Variants in TMEM97 observed in about 807,000 individuals in gnomAD.
The protein encoded by TMEM97 is sigma intracellular receptor 2.
In TMEM97, 13 loss-of-function variants were observed where a neutral mutation model predicts 18.3. That is an observed-to-expected ratio of 0.71 (90% CI 0.46 to 1.13). The LOEUF is 1.13. Ranked by LOEUF, TMEM97 falls within the 50% of genes most tolerant of loss-of-function variation. TMEM97 has a pLI of 0.00. For missense variants in TMEM97, 205 were observed against 210.5 expected, an observed-to-expected ratio of 0.97 and a Z score of 0.16; for synonymous variants, 76 against 85.3, an observed-to-expected ratio of 0.89 and a Z score of 0.60.
chr17:28,328,389 A>T lies in TMEM97; in HGVS notation c.*1596A>T, dbSNP rs1443407777. 5 of 357,632 alleles carry T rather than the reference A, an allele frequency of 1.4e-5. No individual in the cohort carries two copies. The highest frequency in any genetic ancestry group is 2.5e-5 in the Non-Finnish European group (5 of 199,280). The allele number at this position is 357,632 out of a possible 1,614,324, so 22.2% of individuals were successfully genotyped here. On this transcript the variant is annotated 3_prime_UTR_variant, in exon 3 of 3. Coordinates refer to ENST00000226230, the MANE Select transcript of TMEM97 (RefSeq NM_014573.3). Reference sequence around the variant, plus strand: ...GCTTTGTGAATTTACAAAAAAAAGGATGAAAGTTTACAAACTGCTTAGTTC... The same window carrying T: ...GCTTTGTGAATTTACAAAAAAAAGGTTGAAAGTTTACAAACTGCTTAGTTC...
chr17:28,327,648 AAG>A lies in TMEM97; in HGVS notation c.*859_*860del, dbSNP rs1268839436. 3 of 152,244 alleles carry A rather than the reference AAG, an allele frequency of 2.0e-5. No individual in the cohort carries two copies. The highest frequency in any genetic ancestry group is 4.4e-5 in the Non-Finnish European group (3 of 68,040). The allele number at this position is 152,244 out of a possible 1,614,324, so 9.4% of individuals were successfully genotyped here. ...GTTCCCACCTCTAACCCAAGGAAAA[AAG>A]AGAAAACATACTATGCAAAGGAAGT... On this transcript the variant is annotated 3_prime_UTR_variant, in exon 3 of 3. Coordinates refer to ENST00000226230, the MANE Select transcript of TMEM97 (RefSeq NM_014573.3).
chr17:28,325,741 C>A, intron 2 of TMEM97, 94 bp downstream of exon 2: 1 of 1,539,172 alleles, frequency 6.5e-7, no homozygotes, highest in South Asian at 1.2e-5. Flanking sequence ...GGATGGTCCC[C>A]ATAGTTTGTG....
intron 1 of TMEM97, among the ~76,000 whole-genome samples, chr17:28,323,898 T>C (rs1363635049): frequency 3.9e-5 from 6 of 152,194 alleles, no homozygotes; most frequent in Non-Finnish European, 8.8e-5. Flanking sequence ...CTGGGGAAGC[T>C]GAGGTGACAG....
chr17:28,326,397 T>TC (rs1906336458), intron 2 of TMEM97, 137 bp from the exon 3 acceptor site: 7 of 1,039,308 alleles, frequency 6.7e-6, no homozygotes, highest in Non-Finnish European at 8.4e-6. Context: ...GTGTGGCACA[T>TC]CCAGGTTTCC....
intron 1 of TMEM97, among the ~76,000 whole-genome samples, chr17:28,322,911 G>A (rs967486324): frequency 6.6e-6 from 1 of 152,166 alleles, no homozygotes; most frequent in Non-Finnish European, 1.5e-5. Flanking sequence ...CGTGAGCTGC[G>A]ATTTTAATGG....
chr17:28,320,266 A>G (rs1197508547), intron 1 of TMEM97, among the ~76,000 whole-genome samples: 2 of 152,056 alleles, frequency 1.3e-5, no homozygotes, highest in African/African-American at 4.8e-5. Flanking sequence ...AGGGTCATGA[A>G]CTCCCAAAAA....
intron 1 of TMEM97, among the ~76,000 whole-genome samples, chr17:28,321,093 A>G (rs1458298802): frequency 4.6e-5 from 7 of 152,226 alleles, no homozygotes; most frequent in Non-Finnish European, 1.0e-4. Context: ...ACTCTTCCCA[A>G]AGACCGAAGA....
In TMEM97 at chr17:28,326,671, T is replaced by C. The variant is rs148375437; in HGVS notation, c.409T>C (p.Leu137=). The change falls in exon 3 of 3, where the codon TTG becomes CTG. Residue 137 remains leucine (L), a synonymous_variant. Transcript: ENST00000226230. Reference sequence around the variant, plus strand: ...TTTCAAGGGACAAAGACCTGAGACTTTGCATGAACGGTTAACCCTTGTGTC... The same window carrying C: ...TTTCAAGGGACAAAGACCTGAGACTCTGCATGAACGGTTAACCCTTGTGTC... The part of the protein sequence containing the change: ...SGFKGQRPET[L]HERLTLVSVY... 24 of 1,614,054 alleles carry C rather than the reference T, an allele frequency of 1.5e-5. No homozygotes were observed. Among genetic ancestry groups the C allele is most frequent in the Non-Finnish European group, 1.9e-5 (22 of 1,180,026 alleles).
At position 28,319,261 on chromosome 17, in the gene TMEM97, C is replaced by T. The variant is rs1364648444; in HGVS notation, c.22C>T (p.Arg8Cys). The stretch of plus-strand genomic sequence containing the variant: ...GACTATGGGGGCTCCGGCAACCAGG[C>T]GCTGCGTGGAGTGGCTGCTGGGCCT... Reference protein sequence around the residue: MGAPATRRCVEWLLGLYF... With the variant: MGAPATRCCVEWLLGLYF... Residue 8 changes from arginine to cysteine, a missense_variant, in exon 1 of 3, where the codon CGC becomes TGC. Coordinates refer to ENST00000226230, the MANE Select transcript of TMEM97 (RefSeq NM_014573.3). 1.2e-6 allele frequency: 2 copies of T among 1,609,698 alleles called. No homozygotes were observed. The highest frequency in any genetic ancestry group is 1.1e-5 in the South Asian group (1 of 90,826).
At chr17:28,319,856 T>C (rs1405740431) in intron 1 of TMEM97, among the ~76,000 whole-genome samples, 1 of 152,174 alleles carries the variant, frequency 6.6e-6, no homozygotes, top group African/African-American at 2.4e-5. Context: ...TCGTCACTGC[T>C]TCGAGATCAG....
chr17:28,323,544 G>A (rs190768184), intron 1 of TMEM97, among the ~76,000 whole-genome samples: 45 of 151,930 alleles, frequency 3.0e-4, no homozygotes, highest in African/African-American at 8.9e-4. Flanking sequence ...GATTACAGGC[G>A]TGAGCCACCA....
At chr17:28,323,117 A>T (rs546222496) in intron 1 of TMEM97, among the ~76,000 whole-genome samples, 1 of 151,916 alleles carries the variant, frequency 6.6e-6, no homozygotes, top group East Asian at 1.9e-4. Context: ...CAGGCACTCT[A>T]CCCCAGGTCC....
rs782229931 is a variant in TMEM97 at position 28,326,797 on chromosome 17, A to C, written c.*4A>C. On this transcript the variant is annotated 3_prime_UTR_variant, in exon 3 of 3. Coordinates refer to ENST00000226230, the MANE Select transcript of TMEM97 (RefSeq NM_014573.3). The stretch of plus-strand genomic sequence containing the variant: ...AGAGAAAAGAAAAAAAAAATGAAGG[A>C]AACAACCACTGGCCCAGGGTAGAGA... 3 of 1,609,276 alleles carry C rather than the reference A, an allele frequency of 1.9e-6. No individual in the cohort carries two copies. Among genetic ancestry groups the C allele is most frequent in the Non-Finnish European group, 2.5e-6 (3 of 1,179,380 alleles).
chr17:28,328,421 A>G lies in TMEM97; in HGVS notation c.*1628A>G, dbSNP rs114585959. 1,548 of 457,856 alleles carry G rather than the reference A, an allele frequency of 3.4e-3. 19 individuals are homozygous for G. Among genetic ancestry groups the G allele is most frequent in the African/African-American group, 0.029 (1,423 of 49,068 alleles). The allele number at this position is 457,856 out of a possible 1,614,324, so 28.4% of individuals were successfully genotyped here. On this transcript the variant is annotated 3_prime_UTR_variant, in exon 3 of 3. Coordinates refer to ENST00000226230, the MANE Select transcript of TMEM97 (RefSeq NM_014573.3). Reference sequence around the variant, plus strand: ...TTTACAAACTGCTTAGTTCCAACTAAGCATAAGAGGTGAGAACGTACACTG... The same window carrying G: ...TTTACAAACTGCTTAGTTCCAACTAGGCATAAGAGGTGAGAACGTACACTG...
In TMEM97 at chr17:28,328,583, A is replaced by G. The variant is rs1392474226; in HGVS notation, c.*1790A>G. 2.1e-6 allele frequency: 2 copies of G among 952,634 alleles called. No individual in the cohort carries two copies. Among genetic ancestry groups the G allele is most frequent in the Non-Finnish European group, 3.3e-6 (2 of 612,408 alleles). 59.0% of individuals were successfully genotyped at this position (952,634 alleles called of 1,614,324 possible). A position where few individuals can be genotyped will look rare whatever the true frequency, so the allele number is the denominator to read the frequency against. On this transcript the variant is annotated 3_prime_UTR_variant, in exon 3 of 3. Coordinates refer to ENST00000226230, the MANE Select transcript of TMEM97 (RefSeq NM_014573.3). ...ATTGGTCAAGCCGCTGGAATGCTAC[A>G]GAGGTTTTTTTGGTTTTGAGAGGCT...
At chr17:28,325,200 A>G (rs1906284609) in intron 1 of TMEM97, among the ~76,000 whole-genome samples, 2 of 152,222 alleles carry the variant, frequency 1.3e-5, no homozygotes, top group Non-Finnish European at 2.9e-5. Flanking sequence ...TGCTCCTGAC[A>G]GTGGCCAACA....
At position 28,327,467 on chromosome 17, in the gene TMEM97, G is replaced by A. The variant is rs1461491787; in HGVS notation, c.*674G>A. 2.6e-5 allele frequency: 4 copies of A among 152,454 alleles called. No homozygotes were observed. Among genetic ancestry groups the A allele is most frequent in the Non-Finnish European group, 4.4e-5 (3 of 68,268 alleles). 9.4% of individuals were successfully genotyped at this position (152,454 alleles called of 1,614,324 possible). A position where few individuals can be genotyped will look rare whatever the true frequency, so the allele number is the denominator to read the frequency against. On this transcript the variant is annotated 3_prime_UTR_variant, in exon 3 of 3. Coordinates refer to ENST00000226230, the MANE Select transcript of TMEM97 (RefSeq NM_014573.3). The stretch of plus-strand genomic sequence containing the variant: ...TGTTTGACATGTTCATGAGTCACCT[G>A]ACCCACAGCATATATGCTTATGACT...
At chr17:28,326,466 G>T in intron 2 of TMEM97, 68 bp from the exon 3 acceptor site, 1 of 1,535,846 alleles carries the variant, frequency 6.5e-7, no homozygotes, top group Non-Finnish European at 8.8e-7. Flanking sequence ...AGAGACAGTG[G>T]GAAGGTCATG....
rs914513966 is a variant in TMEM97 at position 28,323,736 on chromosome 17, A to G, written c.127-1767A>G. On this transcript the variant is annotated intron_variant, in intron 1 of 2. Transcript: ENST00000226230. ...TAAATTTTGCAGTCAGGCCGGGTGC[A>G]GTGGCTCACACCTGTAATCCCAGCA... Among the ~76,000 whole-genome samples the G allele has an allele frequency of 3.3e-5, 5 of 152,332 alleles. No individual in the cohort carries two copies. In the East Asian group the frequency reaches 9.7e-4, roughly 29 times the overall value.
Sources: gnomAD v4.1 joint callset for allele counts (sites outside exome capture counted in the v4.1 genomes callset) on GRCh38, gnomAD v4.1.1 for gene constraint, MANE v1.5 for transcripts, NCBI Gene and HGNC (gene_info 2026-07-23, HGNC 2026-07-21) for gene names.